The following DNAJA4 variants were observed in gnomAD, a reference collection of about 807,000 sequenced individuals.
DNAJA4 encodes dnaJ homolog subfamily A member 4.
Under a neutral mutation model 39.7 loss-of-function variants are expected in DNAJA4, and 32 were observed. The observed-to-expected ratio is 0.81, with a 90% CI of 0.61 to 1.08. The LOEUF (loss-of-function observed/expected upper bound fraction) is 1.08, where lower values mean the gene tolerates loss of function less well. Among genes scored for constraint, DNAJA4 ranks in the 50% least tolerant of loss-of-function variants. The probability of loss-of-function intolerance (pLI) is 0.00; values close to 1 mark genes in which losing one functional copy is unlikely to be tolerated. For missense variants in DNAJA4, 439 were observed against 505.1 expected (o/e 0.87, Z 1.25); for synonymous variants, 184 against 182.4 (o/e 1.01, Z -0.07).
At chr15:78,273,458 G>C (rs1420466590) in intron 3 of DNAJA4, among the ~76,000 whole-genome samples, 1 of 152,096 alleles carries the variant, frequency 6.6e-6, no homozygotes, top group Non-Finnish European at 1.5e-5. Flanking sequence ...CTAAGTTTTA[G>C]GGTGCATGTG....
At chr15:78,273,223 C>A in intron 3 of DNAJA4, 24 bp downstream of exon 3, 1 of 1,273,530 alleles carries the variant, frequency 7.9e-7, no homozygotes, top group Non-Finnish European at 1.2e-6. Context: ...TTTGACTGAA[C>A]CGCACAGTTC....
intron 4 of DNAJA4, 150 bp from the exon 5 acceptor site, chr15:78,275,348 C>G (rs1362539176): frequency 3.1e-6 from 2 of 639,418 alleles, no homozygotes; most frequent in Non-Finnish European, 5.4e-6. Context: ...ATTGGCCATC[C>G]TAGCCACCCC....
upstream of DNAJA4, chr15:78,264,342 G>A: frequency 1.4e-6 from 2 of 1,447,050 alleles, no homozygotes; most frequent in Non-Finnish European, 1.8e-6. Context: ...CAGAGCTGGA[G>A]CTCCGGGGAA....
intron 1 of DNAJA4, among the ~76,000 whole-genome samples, chr15:78,269,753 G>A (rs74026017): frequency 0.019 from 2,875 of 151,472 alleles, 94 homozygotes; most frequent in African/African-American, 0.066. Flanking sequence ...ATCACACATT[G>A]TATTCGTTTT....
intron 1 of DNAJA4, chr15:78,266,426 GTTGT>G (rs1429529282): frequency 2.7e-6 from 2 of 748,244 alleles, no homozygotes; most frequent in African/African-American, 3.6e-5. Context: ...GTCTGGGCAG[GTTGT>G]TTGGTTTGTT....
At chr15:78,282,187 T>TGAGA (rs143006056) in exon 7 of DNAJA4, 1 of 152,224 alleles carries the variant, frequency 6.6e-6, no homozygotes, top group African/African-American at 2.4e-5. Context: ...TGAGCTGGTA[T>TGAGA]GAGAGATAAG....
chr15:78,277,633 C>T (rs1312599776), intron 5 of DNAJA4, among the ~76,000 whole-genome samples: 3 of 152,116 alleles, frequency 2.0e-5, no homozygotes, highest in African/African-American at 4.8e-5. Context: ...CCTCCTGAGC[C>T]GGGGCTGGGA....
chr15:78,276,719 C>T lies in DNAJA4; in HGVS notation c.877+991C>T, dbSNP rs1180362440. ...TCACTGGCCGTGGGGCTGGGATTACCTTTTTCTATGGCCATTTGAGGTTTG... is the reference window on the plus strand; with the variant it reads ...TCACTGGCCGTGGGGCTGGGATTACTTTTTTCTATGGCCATTTGAGGTTTG... On this transcript the variant is annotated intron_variant, in intron 5 of 6. Transcript: ENST00000394852. Among the ~76,000 whole-genome samples the T allele has an allele frequency of 2.0e-5, 3 of 152,214 alleles. No individual in the cohort carries two copies. In the East Asian group the frequency reaches 5.8e-4, roughly 29 times the overall value.
intron 5 of DNAJA4, chr15:78,277,995 T>G (rs2049521378): frequency 2.2e-6 from 1 of 455,008 alleles, no homozygotes. Flanking sequence ...GTTGGCTTAT[T>G]TCTTGTTTCT....
intron 3 of DNAJA4, among the ~76,000 whole-genome samples, chr15:78,273,652 C>CA (rs1567117429): frequency 6.6e-6 from 1 of 152,168 alleles, no homozygotes; most frequent in South Asian, 2.1e-4. Flanking sequence ...AATGAATGGA[C>CA]ATGCCTATGT....
chr15:78,270,532 A>C lies in DNAJA4; in HGVS notation c.168A>C (p.Ser56=), dbSNP rs758289039. The change falls in exon 2 of 7, where the codon TCA becomes TCC. Residue 56 remains serine, a synonymous_variant. Transcript: ENST00000394852. ...KLISQAYEVL[S]DPKKRDVYDQ... ...TATCCCAGGCATATGAAGTGCTTTC[A>C]GATCCAAAGAAAAGGGATGTTTATG... 1 of 1,614,190 alleles carries C rather than the reference A, an allele frequency of 6.2e-7. No homozygotes were observed. Among genetic ancestry groups the C allele is most frequent in the Non-Finnish European group, 8.5e-7 (1 of 1,180,026 alleles).
In DNAJA4 at chr15:78,279,982, G is replaced by A. The variant is rs2049605212; in HGVS notation, c.878-63G>A. The A allele has an allele frequency of 6.6e-7, 1 of 1,525,462 alleles. No homozygotes were observed. The highest frequency in any genetic ancestry group is 1.4e-5 in the African/African-American group (1 of 72,702). 94.5% of individuals were successfully genotyped at this position (1,525,462 alleles called of 1,614,324 possible). On this transcript the variant is annotated intron_variant, in intron 5 of 6. Transcript: ENST00000394852. The surrounding 1 kb of genome is among the most constrained non-coding windows in gnomAD (Gnocchi z 4.5). The stretch of plus-strand genomic sequence containing the variant: ...GGGCCTGCCGCAGGCTCTCCCATGA[G>A]GGAGAACGACCTCTGCAGGCCCCTC...
intron 1 of DNAJA4, chr15:78,266,162 A>T: frequency 1.3e-6 from 2 of 1,513,742 alleles, no homozygotes; most frequent in Non-Finnish European, 1.8e-6. Context: ...CCCTACATTC[A>T]TTGTGGTCCG....
intron 1 of DNAJA4, chr15:78,265,585 G>A (rs1338829637): frequency 1.4e-6 from 1 of 702,350 alleles, no homozygotes; most frequent in Admixed American, 2.0e-5. Context: ...GACTGAAAAT[G>A]CTCTGCATTT....
intron 1 of DNAJA4, 101 bp downstream of exon 1, chr15:78,264,996 G>C: frequency 7.5e-7 from 1 of 1,330,050 alleles, no homozygotes; most frequent in Non-Finnish European, 1.0e-6. Context: ...CGTTTGTTGG[G>C]GAGGCTGTCG....
At chr15:78,264,283 C>T (rs929666018), upstream of DNAJA4, 24 of 1,358,694 alleles carry the variant, frequency 1.8e-5, no homozygotes, top group Non-Finnish European at 2.3e-5. Flanking sequence ...GGGCGCCCTC[C>T]AGGCCCAAGC....
At chr15:78,265,420 C>T (rs1193932295) in intron 1 of DNAJA4, 1 of 698,512 alleles carries the variant, frequency 1.4e-6, no homozygotes, top group Admixed American at 2.0e-5. Flanking sequence ...GTTCTGTGCA[C>T]CTACTGCCTA....
Position 78,281,829 on chromosome 15 carries a change from G to C in DNAJA4, c.*1369G>C, listed in dbSNP as rs1438547247. On this transcript the variant is annotated 3_prime_UTR_variant, in exon 7 of 7. Coordinates refer to ENST00000394852, the MANE Select transcript of DNAJA4 (RefSeq NM_001130182.2). ...AGTGCAGATCAGACCATGCAGGTAAGGTGAACCAGCTGCACGGACCAGGTT... is the reference window on the plus strand; with the variant it reads ...AGTGCAGATCAGACCATGCAGGTAACGTGAACCAGCTGCACGGACCAGGTT... 6.6e-6 allele frequency: 1 copy of C among 152,224 alleles called. No homozygotes were observed. The highest frequency in any genetic ancestry group is 6.5e-5 in the Admixed American group (1 of 15,274). 9.4% of individuals were successfully genotyped at this position (152,224 alleles called of 1,614,324 possible).
At position 78,279,830 on chromosome 15, in the gene DNAJA4, CCA is replaced by C; in HGVS notation, c.878-214_878-213del. On this transcript the variant is annotated intron_variant, in intron 5 of 6. Transcript: ENST00000394852. This position sits in a 1 kb window ranked among gnomAD's most constrained non-coding sequence, Gnocchi z 4.5. ...TGCCCTCTTGACACACTGCTGGAGC[CCA>C]GAGCACAGGCCAGAGTCTCAGCCTG... 1.7e-6 allele frequency: 1 copy of C among 594,722 alleles called. No homozygotes were observed. Among genetic ancestry groups the C allele is most frequent in the Non-Finnish European group, 3.0e-6 (1 of 334,566 alleles). The allele number at this position is 594,722 out of a possible 1,614,324, so 36.8% of individuals were successfully genotyped here.
Sources: allele counts gnomAD v4.1 joint callset (sites outside exome capture counted in the v4.1 genomes callset), GRCh38; gene constraint gnomAD v4.1.1; non-coding constraint Gnocchi (gnomAD v3.1); transcripts MANE v1.5; gene names NCBI Gene and HGNC (gene_info 2026-07-23, HGNC 2026-07-21).